Variants in STK38L observed in about 807,000 individuals in gnomAD.
STK38L encodes the protein serine/threonine-protein kinase 38-like.
A neutral mutation model predicts 59.7 loss-of-function variants in STK38L; 28 were observed. That is an observed-to-expected ratio of 0.47 (90% CI 0.35 to 0.64). The LOEUF is 0.64. Ranked by LOEUF, STK38L falls within the 30% of genes least tolerant of loss-of-function variation. The pLI, the probability that STK38L is intolerant of heterozygous loss-of-function variation, is 0.01. For synonymous variants in STK38L, 162 were observed against 176.8 expected, an observed-to-expected ratio of 0.92 and a Z score of 0.66; for missense variants, 314 against 555.8, an observed-to-expected ratio of 0.56 and a Z score of 4.37.
intron 12 of STK38L, among the ~76,000 whole-genome samples, 184 bp downstream of exon 12, chr12:27,319,607 T>C (rs1466015957): frequency 6.6e-6 from 1 of 152,258 alleles, no homozygotes; most frequent in African/African-American, 2.4e-5. Flanking sequence ...TGACTCATTT[T>C]AGGCTAACAT....
intron 3 of STK38L, among the ~76,000 whole-genome samples, chr12:27,304,882 C>G (rs1234317518): frequency 6.7e-6 from 1 of 150,022 alleles, no homozygotes; most frequent in East Asian, 1.9e-4. Context: ...ACATATTCAA[C>G]TTATATGATT....
chr12:27,300,823 A>C (rs1373911030), intron 2 of STK38L, among the ~76,000 whole-genome samples: 1 of 152,230 alleles, frequency 6.6e-6, no homozygotes, highest in Admixed American at 6.5e-5. Context: ...AAATGTTACA[A>C]ATCTTCTATA....
At chr12:27,319,228 A>C in intron 11 of STK38L, 100 bp from the exon 12 acceptor site, 1 of 737,832 alleles carries the variant, frequency 1.4e-6, no homozygotes, top group Non-Finnish European at 2.2e-6. Context: ...AATAAAAGAA[A>C]AACATTATAT....
At chr12:27,310,229 A>G (rs115388609) in intron 5 of STK38L, among the ~76,000 whole-genome samples, 1,920 of 152,306 alleles carry the variant, frequency 0.013, 44 homozygotes, top group African/African-American at 0.043. Context: ...CCCAGAGGGA[A>G]GAGGTGTGGA....
At chr12:27,312,110 A>C (rs1395619408) in intron 5 of STK38L, among the ~76,000 whole-genome samples, 2 of 151,752 alleles carry the variant, frequency 1.3e-5, no homozygotes, top group Non-Finnish European at 3.0e-5. Context: ...CAATCTCCTG[A>C]CCTCGTGATC....
At chr12:27,266,134 A>G (rs919716183) in intron 1 of STK38L, among the ~76,000 whole-genome samples, 4 of 152,246 alleles carry the variant, frequency 2.6e-5, no homozygotes, top group African/African-American at 9.6e-5. Flanking sequence ...CTTTTTTCTT[A>G]AGAATATATA....
intron 1 of STK38L, among the ~76,000 whole-genome samples, chr12:27,279,368 A>G (rs776330491): frequency 1.1e-4 from 17 of 152,180 alleles, no homozygotes; most frequent in Non-Finnish European, 2.4e-4. Flanking sequence ...TTCTGGTGCA[A>G]AAGCTCTATG....
intron 11 of STK38L, among the ~76,000 whole-genome samples, chr12:27,318,870 A>C (rs112788630): frequency 2.3e-4 from 35 of 152,202 alleles, no homozygotes; most frequent in Non-Finnish European, 2.2e-4. Context: ...GGGCGCCTGT[A>C]GTCCCAGCTA....
intron 1 of STK38L, among the ~76,000 whole-genome samples, chr12:27,262,356 T>C (rs1943219075): frequency 6.6e-6 from 1 of 152,174 alleles, no homozygotes; most frequent in African/African-American, 2.4e-5. Context: ...ATAATTTACA[T>C]TTAGTAAATT....
chr12:27,325,539 TCTCCTTTGAATTGTTAAAA>T lies in STK38L; in HGVS notation c.*3085_*3103del, dbSNP rs1944820355. Reference sequence around the variant, plus strand: ...AGAGGTCCCTGGCTACCAAACACATTCTCCTTTGAATTGTTAAAATTCAGAACATTCAAAATAACTGTTT... The same window carrying T: ...AGAGGTCCCTGGCTACCAAACACATTTTCAGAACATTCAAAATAACTGTTT... On this transcript the variant is annotated 3_prime_UTR_variant, in exon 14 of 14. Coordinates refer to ENST00000389032, the MANE Select transcript of STK38L (RefSeq NM_015000.4). The T allele has an allele frequency of 6.6e-6, 1 of 152,142 alleles. No individual in the cohort carries two copies. Among genetic ancestry groups the T allele is most frequent in the Admixed American group, 6.5e-5 (1 of 15,272 alleles). 9.4% of individuals were successfully genotyped at this position (152,142 alleles called of 1,614,324 possible).
chr12:27,276,339 T>C (rs995722903), intron 1 of STK38L, among the ~76,000 whole-genome samples: 1 of 152,162 alleles, frequency 6.6e-6, no homozygotes, highest in African/African-American at 2.4e-5. Flanking sequence ...TTCTCTGGTA[T>C]TTTGGGAAGT....
chr12:27,274,631 A>AG (rs1247207825), intron 1 of STK38L, among the ~76,000 whole-genome samples: 1 of 152,228 alleles, frequency 6.6e-6, no homozygotes, highest in Non-Finnish European at 1.5e-5. Flanking sequence ...CAGTACCTAT[A>AG]GGTGCTATGC....
intron 1 of STK38L, among the ~76,000 whole-genome samples, chr12:27,283,328 T>G (rs1246072864): frequency 6.6e-6 from 1 of 152,240 alleles, no homozygotes; most frequent in Non-Finnish European, 1.5e-5. Flanking sequence ...AGTACTTGAC[T>G]GAGTCTTAGG....
Position 27,308,240 on chromosome 12 carries a change from C to G in STK38L, c.187-99C>G. 5.2e-6 allele frequency: 6 copies of G among 1,163,376 alleles called. No individual in the cohort carries two copies. Among genetic ancestry groups the G allele is most frequent in the Non-Finnish European group, 6.9e-6 (6 of 870,038 alleles). 72.1% of individuals were successfully genotyped at this position (1,163,376 alleles called of 1,614,324 possible). ...CCTAATAGTATATTACATATTAGTGCTATCATTTATTTTTACGTGTATCAT... is the reference window on the plus strand; with the variant it reads ...CCTAATAGTATATTACATATTAGTGGTATCATTTATTTTTACGTGTATCAT... On this transcript the variant is annotated intron_variant, in intron 3 of 13. Transcript: ENST00000389032. This position sits in a 1 kb window ranked among gnomAD's most constrained non-coding sequence, Gnocchi z 4.5.
intron 1 of STK38L, among the ~76,000 whole-genome samples, chr12:27,286,003 A>G (rs1296214965): frequency 6.6e-6 from 1 of 152,222 alleles, no homozygotes; most frequent in African/African-American, 2.4e-5. Context: ...CCAGGTAGGT[A>G]TAAGCCACCA....
chr12:27,313,248 CAAAAAA>C (rs748176392), intron 6 of STK38L, among the ~76,000 whole-genome samples: 2 of 105,826 alleles, frequency 1.9e-5, no homozygotes, highest in Non-Finnish European at 4.1e-5. Flanking sequence ...GACTACGTCT[CAAAAAA>C]AAAAAAAAAA....
At position 27,323,000 on chromosome 12, in the gene STK38L, T is replaced by C. The variant is rs557620054; in HGVS notation, c.*545T>C. On this transcript the variant is annotated 3_prime_UTR_variant, in exon 14 of 14. Transcript: ENST00000389032. Reference sequence around the variant, plus strand: ...CAATTTCTGTAATGGTTTTAAGAGATTTAAAAAGAAATTCACTGGTTCTTT... The same window carrying C: ...CAATTTCTGTAATGGTTTTAAGAGACTTAAAAAGAAATTCACTGGTTCTTT... The C allele has an allele frequency of 3.3e-5, 5 of 152,288 alleles. No homozygotes were observed. In the East Asian group the frequency reaches 9.6e-4, roughly 29 times the overall value. 9.4% of individuals were successfully genotyped at this position (152,288 alleles called of 1,614,324 possible).
chr12:27,247,706 C>G (rs1265066165), intron 1 of STK38L, among the ~76,000 whole-genome samples: 1 of 151,922 alleles, frequency 6.6e-6, no homozygotes, highest in Non-Finnish European at 1.5e-5. Flanking sequence ...GAAAGAACCT[C>G]ACTGTCTTGC....
chr12:27,287,226 C>T (rs1277352353), intron 1 of STK38L, among the ~76,000 whole-genome samples: 2 of 152,058 alleles, frequency 1.3e-5, no homozygotes, highest in African/African-American at 4.8e-5. Flanking sequence ...CTGCCTCAGC[C>T]TCCTGAGTAG....
Sources: allele counts gnomAD v4.1 joint callset (sites outside exome capture counted in the v4.1 genomes callset), GRCh38; gene constraint gnomAD v4.1.1; non-coding constraint Gnocchi (gnomAD v3.1); transcripts MANE v1.5; gene names NCBI Gene and HGNC (gene_info 2026-07-23, HGNC 2026-07-21).